The following COL6A6 variants were observed in gnomAD, a reference collection of about 807,000 sequenced individuals.
The protein encoded by COL6A6 is collagen type VI alpha 6 chain.
In COL6A6, 183 loss-of-function variants were observed where a neutral mutation model predicts 208.6. The observed-to-expected ratio is 0.88, with a 90% CI of 0.78 to 0.99. The LOEUF (loss-of-function observed/expected upper bound fraction) is 0.99, where lower values mean the gene tolerates loss of function less well. COL6A6 is among the 50% of genes least tolerant of loss of function. The probability of loss-of-function intolerance (pLI) is 0.00; values close to 1 mark genes in which losing one functional copy is unlikely to be tolerated. For missense variants in COL6A6, 2,816 were observed against 2,815.2 expected, an observed-to-expected ratio of 1.00 and a Z score of -0.01; for synonymous variants, 973 against 1,011.8, an observed-to-expected ratio of 0.96 and a Z score of 0.73.
rs779574186 is a variant in COL6A6 at position 130,560,269 on chromosome 3, TTGTA to T, written c.-31-61_-31-58del. Reference sequence around the variant, plus strand: ...ATTTATTATATAATTTTGTATGCTCTTGTATGTGAGTCTTAATTCCCAAATAATA... The same window carrying T: ...ATTTATTATATAATTTTGTATGCTCTTGTGAGTCTTAATTCCCAAATAATA... On this transcript the variant is annotated intron_variant, in intron 1 of 36. Coordinates refer to ENST00000358511, the MANE Select transcript of COL6A6 (RefSeq NM_001102608.3). 463 of 997,904 alleles carry T rather than the reference TTGTA, an allele frequency of 4.6e-4. 1 individual carries two copies. The highest frequency in any genetic ancestry group is 6.4e-4 in the Non-Finnish European group (423 of 658,036). The allele number at this position is 997,904 out of a possible 1,614,324, so 61.8% of individuals were successfully genotyped here.
chr3:130,675,437 G>A lies in COL6A6; in HGVS notation c.*40G>A. On this transcript the variant is annotated 3_prime_UTR_variant, in exon 37 of 37. Coordinates refer to ENST00000358511, the MANE Select transcript of COL6A6 (RefSeq NM_001102608.3). ...AACTTAGCCTTAGGAAGCATGGTAAGACTCTGGACTTAAATAGTAACTAAA... is the reference window on the plus strand; with the variant it reads ...AACTTAGCCTTAGGAAGCATGGTAAAACTCTGGACTTAAATAGTAACTAAA... The A allele has an allele frequency of 7.0e-7, 1 of 1,419,936 alleles. No individual in the cohort carries two copies. Among genetic ancestry groups the A allele is most frequent in the Non-Finnish European group, 9.5e-7 (1 of 1,058,012 alleles). The allele number at this position is 1,419,936 out of a possible 1,614,324, so 88.0% of individuals were successfully genotyped here.
chr3:130,572,793 TC>T (rs34703043), intron 7 of COL6A6, among the ~76,000 whole-genome samples: 1 of 152,226 alleles, frequency 6.6e-6, no homozygotes, highest in African/African-American at 2.4e-5. Flanking sequence ...TCTTATCACT[TC>T]CTTGCTTACC....
At position 130,586,602 on chromosome 3, in the gene COL6A6, A is replaced by C; in HGVS notation, c.4067A>C (p.Tyr1356Ser). Reference protein sequence around the residue: ...PYIEFGKGFEYRTQLSIGMRE... With the variant: ...PYIEFGKGFESRTQLSIGMRE... Reference sequence around the variant, plus strand: ...ATTGAATTTGGGAAAGGATTTGAGTACAGGACACAGCTCTCTATTGGCATG... The same window carrying C: ...ATTGAATTTGGGAAAGGATTTGAGTCCAGGACACAGCTCTCTATTGGCATG... Residue 1356 changes from tyrosine (Y) to serine (S), a missense_variant, in exon 11 of 37, where the codon TAC (tyrosine) becomes TCC (serine). Coordinates refer to ENST00000358511, the MANE Select transcript of COL6A6 (RefSeq NM_001102608.3). 6.2e-7 allele frequency: 1 copy of C among 1,614,018 alleles called. No individual in the cohort carries two copies. The highest frequency in any genetic ancestry group is 1.6e-4 in the Middle Eastern group (1 of 6,062).
chr3:130,542,928 T>TA (rs2062405836), intron 1 of COL6A6, among the ~76,000 whole-genome samples: 1 of 143,090 alleles, frequency 7.0e-6, no homozygotes, highest in African/African-American at 2.7e-5. Context: ...TTTTTTTAGA[T>TA]AGGAGTCTTG....
chr3:130,518,040 G>A (rs181513047), intron 1 of COL6A6, among the ~76,000 whole-genome samples: 106 of 152,316 alleles, frequency 7.0e-4, no homozygotes, highest in South Asian at 1.7e-3. Flanking sequence ...GAGGAGAGGA[G>A]GCAGGCTGGA....
chr3:130,602,089 A>T (rs184704901), intron 20 of COL6A6, among the ~76,000 whole-genome samples: 1 of 152,340 alleles, frequency 6.6e-6, no homozygotes. Context: ...ATTATGTACA[A>T]CTAGCAACCA....
Position 130,590,301 on chromosome 3 carries a change from T to A in COL6A6, c.4219-740T>A, listed in dbSNP as rs12496058. The stretch of plus-strand genomic sequence containing the variant: ...TATATATATATATATATATATATAT[T>A]TTTTTTTTTTTTTTTTTTTTTTTTT... On this transcript the variant is annotated intron_variant, in intron 12 of 36. Coordinates refer to ENST00000358511, the MANE Select transcript of COL6A6 (RefSeq NM_001102608.3). Among the ~76,000 whole-genome samples the A allele has an allele frequency of 1.6e-3, 65 of 41,414 alleles. 1 individual carries two copies. The highest frequency in any genetic ancestry group is 2.3e-3 in the Non-Finnish European group (51 of 22,536). 27.2% of individuals were successfully genotyped at this position (41,414 alleles called of 152,430 possible). A position where few individuals can be genotyped will look rare whatever the true frequency, so the allele number is the denominator to read the frequency against.
rs766736632 is a variant in COL6A6, at chr3:130,571,209, C to G, written c.2793C>G (p.Ala931=). Residue 931 remains alanine, a synonymous_variant, in exon 7 of 37, where the codon GCC becomes GCG. Transcript: ENST00000358511. The stretch of plus-strand genomic sequence containing the variant: ...CCCATGATGCTGATAAACTCAATGC[C>G]ACGGCAAAGGCCTTGCGGGACAAAG... ...GESHDADKLN[A]TAKALRDKGI... is the part of the protein sequence containing the mutation. The G allele has an allele frequency of 3.1e-6, 5 of 1,613,716 alleles. No individual in the cohort carries two copies. Among genetic ancestry groups the G allele is most frequent in the Admixed American group, 1.7e-5 (1 of 60,012 alleles).
At chr3:130,644,395 A>T (rs1214689990) in intron 31 of COL6A6, among the ~76,000 whole-genome samples, 1 of 152,204 alleles carries the variant, frequency 6.6e-6, no homozygotes, top group Non-Finnish European at 1.5e-5. Context: ...TGAGAAGCTG[A>T]ATTTTTATTT....
chr3:130,526,140 A>C (rs1282866444), intron 1 of COL6A6, among the ~76,000 whole-genome samples: 3 of 152,146 alleles, frequency 2.0e-5, no homozygotes, highest in African/African-American at 7.2e-5. Context: ...TTAATTGTGG[A>C]GCTAATGACT....
intron 20 of COL6A6, among the ~76,000 whole-genome samples, chr3:130,604,947 T>C (rs993559897): frequency 6.6e-6 from 1 of 152,266 alleles, no homozygotes; most frequent in Non-Finnish European, 1.5e-5. Context: ...TCTGACCATG[T>C]ACTTTTCCAG....
chr3:130,569,466 G>A (rs892634513), intron 6 of COL6A6, among the ~76,000 whole-genome samples: 1 of 152,138 alleles, frequency 6.6e-6, no homozygotes, highest in African/African-American at 2.4e-5. Flanking sequence ...GTGACCCATA[G>A]GGCTTGATGA....
At chr3:130,542,644 T>G (rs2062396530) in intron 1 of COL6A6, among the ~76,000 whole-genome samples, 1 of 152,216 alleles carries the variant, frequency 6.6e-6, no homozygotes, top group South Asian at 2.1e-4. Context: ...ACTATAATAG[T>G]GGATTCATCT....
chr3:130,619,754 G>C (rs535495051), intron 23 of COL6A6, among the ~76,000 whole-genome samples: 3 of 152,194 alleles, frequency 2.0e-5, no homozygotes, highest in African/African-American at 7.2e-5. Context: ...TGTAGCTGAG[G>C]GGTTTTGAGA....
At chr3:130,634,810 G>A (rs532345090) in intron 27 of COL6A6, among the ~76,000 whole-genome samples, 185 bp downstream of exon 27, 8 of 152,302 alleles carry the variant, frequency 5.3e-5, no homozygotes, top group African/African-American at 1.7e-4. Context: ...TTGTTTAGGA[G>A]TGTAAGGCTT....
chr3:130,533,059 C>T (rs1012087337), intron 1 of COL6A6, among the ~76,000 whole-genome samples: 4 of 152,080 alleles, frequency 2.6e-5, no homozygotes, highest in Non-Finnish European at 5.9e-5. Flanking sequence ...AAGCCTGAGT[C>T]CATCACTTCT....
At chr3:130,601,757 C>G (rs937945434) in intron 20 of COL6A6, among the ~76,000 whole-genome samples, 1 of 152,176 alleles carries the variant, frequency 6.6e-6, no homozygotes, top group Non-Finnish European at 1.5e-5. Context: ...ATTCCTCTTA[C>G]GTGCATCTCA....
intron 23 of COL6A6, among the ~76,000 whole-genome samples, chr3:130,616,069 C>A (rs1190622912): frequency 6.6e-6 from 1 of 152,080 alleles, no homozygotes; most frequent in Non-Finnish European, 1.5e-5. Context: ...AATGCTATTT[C>A]AAAGATGTGT....
At chr3:130,666,178 C>G (rs2108476015) in intron 36 of COL6A6, among the ~76,000 whole-genome samples, 1 of 152,046 alleles carries the variant, frequency 6.6e-6, no homozygotes, top group African/African-American at 2.4e-5. Flanking sequence ...ACAAAATGGT[C>G]AAATGTAATT....
Sources: gnomAD v4.1 joint callset for allele counts (sites outside exome capture counted in the v4.1 genomes callset) on GRCh38, gnomAD v4.1.1 for gene constraint, MANE v1.5 for transcripts, NCBI Gene and HGNC (gene_info 2026-07-23, HGNC 2026-07-21) for gene names.